The following A1CF variants were observed in gnomAD, a reference collection of about 807,000 sequenced individuals.
A1CF encodes APOBEC-1 stimulating protein.
A neutral mutation model predicts 68.9 loss-of-function variants in A1CF; 48 were observed. The observed-to-expected ratio is 0.70, with a 90% CI of 0.55 to 0.89. The LOEUF (loss-of-function observed/expected upper bound fraction) is 0.89. Ranked by LOEUF, A1CF falls within the 40% of genes least tolerant of loss-of-function variation. A1CF has a pLI of 0.00. For synonymous variants in A1CF, 272 were observed against 260.4 expected (o/e 1.04, Z -0.43); for missense variants, 653 against 718.9 (o/e 0.91, Z 1.05).
At chr10:50,833,227 A>T (rs979617067) in intron 6 of A1CF, among the ~76,000 whole-genome samples, 1 of 152,210 alleles carries the variant, frequency 6.6e-6, no homozygotes, top group African/African-American at 2.4e-5. Context: ...TCAAATGTGC[A>T]GTCCTGGGAG....
chr10:50,853,670 T>TA (rs1840347842), intron 3 of A1CF, among the ~76,000 whole-genome samples: 1 of 151,964 alleles, frequency 6.6e-6, no homozygotes, highest in South Asian at 2.1e-4. Context: ...GATTAAATAC[T>TA]AAATTAAAGA....
At chr10:50,819,556 G>T (rs190159224) in intron 8 of A1CF, among the ~76,000 whole-genome samples, 68 of 152,146 alleles carry the variant, frequency 4.5e-4, no homozygotes, top group Admixed American at 3.5e-3. Context: ...GATTTCCCTA[G>T]TCCCCACTCG....
At chr10:50,845,686 GCTTATGC>G (rs1839967092) in intron 3 of A1CF, among the ~76,000 whole-genome samples, 1 of 152,174 alleles carries the variant, frequency 6.6e-6, no homozygotes, top group Non-Finnish European at 1.5e-5. Flanking sequence ...TGGCATGGTG[GCTTATGC>G]CTGTAATCCC....
intron 10 of A1CF, 21 bp downstream of exon 10, chr10:50,813,836 T>G: frequency 6.2e-7 from 1 of 1,608,356 alleles, no homozygotes; most frequent in East Asian, 2.2e-5. Flanking sequence ...AAGAAACTAT[T>G]TCTGGAATAA....
intron 3 of A1CF, among the ~76,000 whole-genome samples, chr10:50,852,603 T>C (rs1041354457): frequency 3.3e-5 from 5 of 152,158 alleles, no homozygotes; most frequent in African/African-American, 1.2e-4. Flanking sequence ...ACCTAAGTCC[T>C]TGGATAGCAG....
chr10:50,828,650 A>G (rs1246117969), intron 6 of A1CF, among the ~76,000 whole-genome samples: 1 of 152,130 alleles, frequency 6.6e-6, no homozygotes, highest in African/African-American at 2.4e-5. Context: ...TAGGAAAATT[A>G]TGGATTTAGG....
chr10:50,809,797 G>T, intron 12 of A1CF, 97 bp downstream of exon 12: 2 of 1,532,222 alleles, frequency 1.3e-6, no homozygotes, highest in South Asian at 1.2e-5. Flanking sequence ...ATTGCTGTAA[G>T]TAGGGTACAC....
intron 8 of A1CF, 53 bp from the exon 9 acceptor site, chr10:50,816,332 G>A: frequency 1.9e-6 from 3 of 1,575,082 alleles, no homozygotes; most frequent in South Asian, 2.3e-5. Flanking sequence ...AGATAACCAA[G>A]TGTGGCTGAG....
intron 3 of A1CF, among the ~76,000 whole-genome samples, chr10:50,846,126 G>A (rs1031290906): frequency 6.6e-6 from 1 of 151,992 alleles, no homozygotes; most frequent in Non-Finnish European, 1.5e-5. Context: ...AAACTTTTCA[G>A]TGCCAACATG....
chr10:50,860,885 C>T (rs1272126733), intron 2 of A1CF, among the ~76,000 whole-genome samples: 1 of 152,156 alleles, frequency 6.6e-6, no homozygotes, highest in African/African-American at 2.4e-5. Flanking sequence ...GAGGTGAAGG[C>T]TGCCACACTG....
chr10:50,872,672 CTT>C (rs1321025276), intron 1 of A1CF, among the ~76,000 whole-genome samples: 1 of 152,240 alleles, frequency 6.6e-6, no homozygotes, highest in East Asian at 1.9e-4. Context: ...ACTATGGTAA[CTT>C]AGCCTCTTTG....
chr10:50,821,238 G>C (rs1035955884), intron 7 of A1CF, among the ~76,000 whole-genome samples: 3 of 152,072 alleles, frequency 2.0e-5, no homozygotes, highest in Non-Finnish European at 4.4e-5. Flanking sequence ...AAAGAAAGTT[G>C]TTTCCGAAAG....
At chr10:50,822,819 AATG>A (rs1838740306) in intron 7 of A1CF, 1 of 152,246 alleles carries the variant, frequency 6.6e-6, no homozygotes, top group East Asian at 1.9e-4. Context: ...GACGTTGGCC[AATG>A]ATGACCTTCA....
intron 1 of A1CF, among the ~76,000 whole-genome samples, chr10:50,875,397 CTTG>C (rs761602304): frequency 3.5e-4 from 54 of 152,236 alleles, no homozygotes; most frequent in Non-Finnish European, 6.2e-4. Context: ...AAAACTAGTA[CTTG>C]TTGTGTGGTT....
intron 11 of A1CF, 115 bp from the exon 12 acceptor site, chr10:50,810,157 T>C: frequency 8.3e-7 from 1 of 1,210,286 alleles, no homozygotes; most frequent in Non-Finnish European, 1.2e-6. Context: ...TTTGAGTGGG[T>C]GTTTTTCATT....
At chr10:50,831,852 C>A (rs185503894) in intron 6 of A1CF, among the ~76,000 whole-genome samples, 19 of 152,166 alleles carry the variant, frequency 1.2e-4, no homozygotes, top group Admixed American at 8.5e-4. Context: ...AAATATAAAT[C>A]AAAACTAAAA....
At chr10:50,858,167 A>G (rs978451958) in intron 3 of A1CF, among the ~76,000 whole-genome samples, 5 of 152,164 alleles carry the variant, frequency 3.3e-5, no homozygotes, top group Admixed American at 6.6e-5. Flanking sequence ...GCAACTTTGA[A>G]TGATTTTATG....
rs1837621908 is a variant in A1CF, at chr10:50,802,072, T to C, written c.*4657A>G. ...GAGTATTCTGTACCCATTTTTCCTT[T>C]AATAAAAAAAGCTTAAATATTTTAC... On this transcript the variant is annotated 3_prime_UTR_variant, in exon 13 of 13. Transcript: ENST00000373997. The C allele has an allele frequency of 6.6e-6, 1 of 152,176 alleles. No homozygotes were observed. Among genetic ancestry groups the C allele is most frequent in the African/African-American group, 2.4e-5 (1 of 41,452 alleles). The allele number at this position is 152,176 out of a possible 1,614,324, so 9.4% of individuals were successfully genotyped here.
intron 6 of A1CF, among the ~76,000 whole-genome samples, chr10:50,830,918 A>C (rs1839207198): frequency 6.6e-6 from 1 of 152,204 alleles, no homozygotes; most frequent in Admixed American, 6.5e-5. Flanking sequence ...ACAGACATTT[A>C]GGCCAATGAA....
Sources: gnomAD v4.1 joint callset for allele counts (sites outside exome capture counted in the v4.1 genomes callset) on GRCh38, gnomAD v4.1.1 for gene constraint, MANE v1.5 for transcripts, NCBI Gene and HGNC (gene_info 2026-07-23, HGNC 2026-07-21) for gene names.